Variants in DCAF5 observed in about 807,000 individuals in gnomAD.
The protein encoded by DCAF5 is DDB1- and CUL4-associated factor 5.
A neutral mutation model predicts 80.7 loss-of-function variants in DCAF5; 9 were observed. The observed-to-expected ratio is 0.11, with a 90% CI of 0.07 to 0.19. The LOEUF (loss-of-function observed/expected upper bound fraction) is 0.19, where lower values mean the gene tolerates loss of function less well. DCAF5 is among the 10% of genes least tolerant of loss of function. The pLI is 1.00. For missense variants in DCAF5, 842 were observed against 1,205.7 expected (o/e 0.70, Z 4.47); for synonymous variants, 433 against 461.9 (o/e 0.94, Z 0.80).
intron 8 of DCAF5, among the ~76,000 whole-genome samples, 168 bp downstream of exon 8, chr14:69,062,216 T>C (rs1357043714): frequency 6.6e-6 from 1 of 152,178 alleles, no homozygotes; most frequent in Non-Finnish European, 1.5e-5. Context: ...ATGCCTGGCA[T>C]CACTTTTTAA....
chr14:69,105,391 G>T (rs888076638), intron 5 of DCAF5, among the ~76,000 whole-genome samples: 12 of 152,202 alleles, frequency 7.9e-5, no homozygotes, highest in African/African-American at 2.9e-4. Context: ...AAAGAAGCCA[G>T]ACAGAAGGTC....
Position 69,055,420 on chromosome 14 carries a change from C to T in DCAF5, c.1266G>A (p.Leu422=). 1 of 1,614,186 alleles carries T rather than the reference C, an allele frequency of 6.2e-7. No individual in the cohort carries two copies. The change falls in exon 9 of 9, where the codon CTG becomes CTA. Residue 422 remains leucine, a synonymous_variant. Coordinates refer to ENST00000341516, the MANE Select transcript of DCAF5 (RefSeq NM_003861.3). The surrounding 1 kb of genome is among the most constrained non-coding windows in gnomAD (Gnocchi z 5.6). ...TCCAGCCCTCGATCTCTCGGCGTAC[C>T]AGTGAGTCAAAGAAGGCCATCATCC... The part of the protein sequence containing the change: ...DPRMMAFFDS[L]VRREIEGWSS...
intron 5 of DCAF5, among the ~76,000 whole-genome samples, chr14:69,109,928 C>T (rs571365792): frequency 2.2e-4 from 33 of 152,152 alleles, no homozygotes; most frequent in Non-Finnish European, 3.7e-4. Context: ...CCAATTTGTA[C>T]TCACCTAAAA....
At chr14:69,074,760 G>GC (rs1423421762) in intron 7 of DCAF5, among the ~76,000 whole-genome samples, 1 of 152,154 alleles carries the variant, frequency 6.6e-6, no homozygotes, top group Non-Finnish European at 1.5e-5. Context: ...TGGGCTGGGT[G>GC]CGGTGGCTCA....
intron 1 of DCAF5, 120 bp from the exon 2 acceptor site, chr14:69,122,480 C>T (rs774920281): frequency 7.5e-6 from 8 of 1,063,670 alleles, no homozygotes; most frequent in Non-Finnish European, 1.1e-5. Flanking sequence ...CCATAAGATT[C>T]GCATGGAGCA....
intron 5 of DCAF5, among the ~76,000 whole-genome samples, chr14:69,096,994 G>A (rs542410888): frequency 3.9e-5 from 6 of 152,106 alleles, no homozygotes; most frequent in African/African-American, 1.4e-4. Flanking sequence ...AGTGCAGAAG[G>A]AGGGGGTGGG....
intron 6 of DCAF5, among the ~76,000 whole-genome samples, chr14:69,088,847 G>A (rs2039434028): frequency 6.6e-6 from 1 of 152,176 alleles, no homozygotes; most frequent in Admixed American, 6.5e-5. Context: ...ATTCTGTCTA[G>A]ACTCATCAAA....
intron 7 of DCAF5, among the ~76,000 whole-genome samples, chr14:69,069,406 C>T (rs2038596004): frequency 6.6e-6 from 1 of 152,146 alleles, no homozygotes; most frequent in Non-Finnish European, 1.5e-5. Context: ...CAAGGAAGGA[C>T]AATGTCTTGA....
chr14:69,084,223 T>C, intron 6 of DCAF5: 3 of 1,012,166 alleles, frequency 3.0e-6, no homozygotes, highest in Non-Finnish European at 4.7e-6. Flanking sequence ...TGCATACCTA[T>C]GGGTTGATAA....
At chr14:69,120,042 C>T (rs965180166) in intron 2 of DCAF5, among the ~76,000 whole-genome samples, 2 of 151,548 alleles carry the variant, frequency 1.3e-5, no homozygotes, top group African/African-American at 4.8e-5. Context: ...TTCTTTCTTT[C>T]TTTCTTTTGA....
intron 6 of DCAF5, chr14:69,083,805 C>T: frequency 1.4e-6 from 1 of 710,784 alleles, no homozygotes; most frequent in Non-Finnish European, 2.6e-6. Flanking sequence ...AAGAAAGTGC[C>T]AAGTCTCCTA....
intron 6 of DCAF5, chr14:69,090,179 G>GA: frequency 1.1e-6 from 1 of 911,906 alleles, no homozygotes; most frequent in Non-Finnish European, 1.3e-6. Flanking sequence ...AAGAAAGAAG[G>GA]AAAAAAGGAA....
At chr14:69,106,369 AATTTTTATTT>A (rs1388985622) in intron 5 of DCAF5, among the ~76,000 whole-genome samples, 6 of 150,176 alleles carry the variant, frequency 4.0e-5, no homozygotes, top group Non-Finnish European at 8.9e-5. Flanking sequence ...CTGTTTTTTA[AATTTTTATTT>A]ATTTTTAGTG....
intron 7 of DCAF5, among the ~76,000 whole-genome samples, chr14:69,071,078 A>G (rs951953828): frequency 2.6e-5 from 4 of 152,214 alleles, no homozygotes; most frequent in Admixed American, 2.6e-4. Context: ...GATTATAGGC[A>G]TGAGCCACTG....
chr14:69,141,178 G>GA (rs2041363058), intron 1 of DCAF5, among the ~76,000 whole-genome samples: 1 of 139,506 alleles, frequency 7.2e-6, no homozygotes, highest in Non-Finnish European at 1.5e-5. Context: ...AGTGGCAGCT[G>GA]AAAGACCTGA....
intron 7 of DCAF5, among the ~76,000 whole-genome samples, chr14:69,071,309 CA>C (rs200738592): frequency 1.3e-5 from 2 of 151,358 alleles, no homozygotes; most frequent in African/African-American, 2.4e-5. Flanking sequence ...GTTTGTATAG[CA>C]AAAAAAACAA....
chr14:69,058,338 G>T (rs892278997), intron 8 of DCAF5, among the ~76,000 whole-genome samples: 5 of 152,010 alleles, frequency 3.3e-5, no homozygotes, highest in African/African-American at 9.6e-5. Context: ...GGCCAACGTG[G>T]TAAAACCCTG....
At chr14:69,148,422 TG>T (rs2041610069) in intron 1 of DCAF5, among the ~76,000 whole-genome samples, 1 of 152,014 alleles carries the variant, frequency 6.6e-6, no homozygotes, top group African/African-American at 2.4e-5. Flanking sequence ...ACGGGCTGGG[TG>T]GGGTGGCTCA....
rs1160963398 is a variant in DCAF5, at chr14:69,153,100, T to TG, written c.-123dup. On this transcript the variant is annotated 5_prime_UTR_variant, in exon 1 of 9. Coordinates refer to ENST00000341516, the MANE Select transcript of DCAF5 (RefSeq NM_003861.3). ...ATCCGGATGGTTCTTTAACCAGCCA[T>TG]GGCAGGCAGAGCGAGGTGTGCAGAC... 4.0e-6 allele frequency: 3 copies of TG among 751,434 alleles called. No homozygotes were observed. The African/African-American group carries it at 5.7e-5, about 14-fold the overall frequency. The allele number at this position is 751,434 out of a possible 1,614,324, so 46.5% of individuals were successfully genotyped here.
Sources: allele counts gnomAD v4.1 joint callset (sites outside exome capture counted in the v4.1 genomes callset), GRCh38; gene constraint gnomAD v4.1.1; non-coding constraint Gnocchi (gnomAD v3.1); transcripts MANE v1.5; gene names NCBI Gene and HGNC (gene_info 2026-07-23, HGNC 2026-07-21).